The following TRMT11 variants were observed in gnomAD, a reference collection of about 807,000 sequenced individuals.
TRMT11 encodes the protein tRNA (guanine(10)-N(2))-methyltransferase TRMT11.
A neutral mutation model predicts 62.8 loss-of-function variants in TRMT11; 53 were observed. That is an observed-to-expected ratio of 0.84 (90% CI 0.68 to 1.06). TRMT11 has a LOEUF of 1.06. Among genes scored for constraint, TRMT11 ranks in the 50% least tolerant of loss-of-function variants. The pLI, the probability that TRMT11 is intolerant of heterozygous loss-of-function variation, is 0.00. For missense variants in TRMT11, 556 were observed against 553.4 expected (o/e 1.00, Z -0.05); for synonymous variants, 188 against 190.3 (o/e 0.99, Z 0.10).
intron 3 of TRMT11, among the ~76,000 whole-genome samples, chr6:126,200,590 G>A (rs1778723370): frequency 6.6e-6 from 1 of 152,114 alleles, no homozygotes; most frequent in South Asian, 2.1e-4. Flanking sequence ...GTCTTGCTCT[G>A]TCGCCCAGGC....
chr6:126,021,097 CCCCATGATT>C, intron 11 of TRMT11, 54 bp from the exon 12 acceptor site: 1 of 1,597,318 alleles, frequency 6.3e-7, no homozygotes, highest in South Asian at 1.1e-5. Flanking sequence ...ACTGGACGAT[CCCCATGATT>C]CTTTGTGGCC....
At chr6:126,169,521 T>C (rs2128234959) in intron 21 of TRMT11, among the ~76,000 whole-genome samples, 1 of 152,334 alleles carries the variant, frequency 6.6e-6, no homozygotes, top group East Asian at 1.9e-4. Flanking sequence ...CTGAAGATGA[T>C]TCCTCTTGGT....
At chr6:126,113,611 A>G (rs888647359) in intron 18 of TRMT11, among the ~76,000 whole-genome samples, 3 of 152,122 alleles carry the variant, frequency 2.0e-5, no homozygotes, top group African/African-American at 7.2e-5. Context: ...CAGCCAATCT[A>G]CTAGGCACGT....
chr6:126,213,890 A>G, the TRMT11 span, among the ~76,000 whole-genome samples: 4 of 152,016 alleles, frequency 2.6e-5, no homozygotes, highest in African/African-American at 4.8e-5. Flanking sequence ...AGTCTGTCAT[A>G]TATGGCTTTT....
chr6:126,013,077 A>G lies in TRMT11; in HGVS notation c.1115A>G (p.Tyr372Cys), dbSNP rs375870918. Residue 372 changes from tyrosine to cysteine, a missense_variant, in exon 11 of 13, where the codon TAT (tyrosine) becomes TGT (cysteine). Coordinates refer to ENST00000334379, the MANE Select transcript of TRMT11 (RefSeq NM_001031712.3). Reference protein sequence around the residue: ...ETLVLGGRLVYWLPVYTPEYT... With the variant: ...ETLVLGGRLVCWLPVYTPEYT... ...CTCGTTTTAGGTGGAAGACTAGTCT[A>G]TTGGTTACCGGTGTATACGCCAGAG... The G allele has an allele frequency of 1.2e-4, 187 of 1,613,540 alleles. No homozygotes were observed. Among genetic ancestry groups the G allele is most frequent in the Non-Finnish European group, 1.5e-4 (176 of 1,179,872 alleles).
Position 126,008,412 on chromosome 6 carries a change from G to A in TRMT11, c.700G>A (p.Ala234Thr). 1 of 1,613,126 alleles carries A rather than the reference G, an allele frequency of 6.2e-7. No individual in the cohort carries two copies. Among genetic ancestry groups the A allele is most frequent in the Non-Finnish European group, 8.5e-7 (1 of 1,179,228 alleles). The change falls in exon 8 of 13, where the codon GCT becomes ACT. Residue 234 changes from alanine to threonine, a missense_variant. Ala to Thr is a moderately conservative substitution (Grantham distance 58, BLOSUM62 0). Coordinates refer to ENST00000334379, the MANE Select transcript of TRMT11 (RefSeq NM_001031712.3). ...VGTGGLLIAC[A>T]HFGAYVYGTD... ...TTCAGGTGGCCTGCTGATAGCATGT[G>A]CTCATTTTGGTGCATATGTGTATGG...
chr6:126,109,893 G>A (rs1777510861), intron 17 of TRMT11, among the ~76,000 whole-genome samples: 1 of 152,152 alleles, frequency 6.6e-6, no homozygotes, highest in African/African-American at 2.4e-5. Context: ...GAACAAACCA[G>A]AAAATGGCAG....
In TRMT11 at chr6:126,151,847, T is replaced by C. The variant is rs541357570; in HGVS notation, c.*1824-22978T>C. Among the ~76,000 whole-genome samples, 249 of 144,672 alleles carry C rather than the reference T, an allele frequency of 1.7e-3. 1 individual carries two copies. Among genetic ancestry groups the C allele is most frequent in the South Asian group, 4.9e-3 (22 of 4,470 alleles). 94.9% of individuals were successfully genotyped at this position (144,672 alleles called of 152,430 possible). ...CTTTCTTTCTTTCTTTCTTTCTTTC[T>C]TTCTTTCTTTCTTTCTTTCCTTCTT... On this transcript the variant is annotated intron_variant and NMD_transcript_variant, in intron 21 of 22. Transcript: ENST00000648977.
Position 126,124,079 on chromosome 6 carries a change from A to AT in TRMT11, c.*1823+8230dup, listed in dbSNP as rs773461302. ...TTTGTCTTTTGATTGTGGCTCATGC[A>AT]TTTTTTGTTAGGGGATTTCCTCAAA... On this transcript the variant is annotated intron_variant and NMD_transcript_variant, in intron 21 of 22. Transcript: ENST00000648977. Among the ~76,000 whole-genome samples the AT allele has an allele frequency of 1.8e-4, 27 of 151,658 alleles. 1 individual carries two copies. The highest frequency in any genetic ancestry group is 9.9e-4 in the Admixed American group (15 of 15,208).
intron 21 of TRMT11, among the ~76,000 whole-genome samples, chr6:126,118,784 A>G (rs1777616939): frequency 6.6e-6 from 1 of 152,110 alleles, no homozygotes; most frequent in Non-Finnish European, 1.5e-5. Flanking sequence ...GAACTTACCA[A>G]GTGAAAAATT....
chr6:126,215,594 T>C, the TRMT11 span, among the ~76,000 whole-genome samples: 13 of 152,060 alleles, frequency 8.5e-5, no homozygotes, highest in Admixed American at 8.5e-4. Context: ...AAGTGATGTG[T>C]TTTCTTGTAG....
chr6:126,027,284 A>G (rs554282122), intron 12 of TRMT11, among the ~76,000 whole-genome samples: 11 of 152,310 alleles, frequency 7.2e-5, no homozygotes, highest in African/African-American at 2.4e-4. Flanking sequence ...TTACGTTTTC[A>G]ATGACGGTCA....
At chr6:126,206,120 G>T (rs1341631440), downstream of TRMT11, among the ~76,000 whole-genome samples, 1 of 152,162 alleles carries the variant, frequency 6.6e-6, no homozygotes, top group African/African-American at 2.4e-5. Context: ...TTCAAAATCT[G>T]CAGTCTAACT....
At chr6:126,136,019 CA>C (rs972522934) in intron 21 of TRMT11, among the ~76,000 whole-genome samples, 1 of 151,748 alleles carries the variant, frequency 6.6e-6, no homozygotes, top group Non-Finnish European at 1.5e-5. Flanking sequence ...TACAAGCTCA[CA>C]GTTAAAATCA....
At chr6:126,249,883 G>A in the TRMT11 span, among the ~76,000 whole-genome samples, 15 of 152,130 alleles carry the variant, frequency 9.9e-5, no homozygotes, top group Admixed American at 4.6e-4. Flanking sequence ...TGAGAGCAAA[G>A]GACAGTTTAT....
chr6:126,024,799 GTA>G lies in TRMT11; in HGVS notation c.1260+3523_1260+3524del, dbSNP rs780965713. Among the ~76,000 whole-genome samples, 4 of 152,170 alleles carry G rather than the reference GTA, an allele frequency of 2.6e-5. No homozygotes were observed. In the South Asian group the frequency reaches 6.2e-4, roughly 24 times the overall value. On this transcript the variant is annotated intron_variant, in intron 12 of 12. Transcript: ENST00000334379. Reference sequence around the variant, plus strand: ...CCTCTCCTAGTCACTTACTTCTCATGTATATGTTTGTCTTTTGGTATTTTAAA... The same window carrying G: ...CCTCTCCTAGTCACTTACTTCTCATGTATGTTTGTCTTTTGGTATTTTAAA...
downstream of TRMT11, among the ~76,000 whole-genome samples, chr6:126,205,513 A>G (rs1201098450): frequency 6.6e-6 from 1 of 152,218 alleles, no homozygotes; most frequent in Non-Finnish European, 1.5e-5. Flanking sequence ...CAAAAATAAA[A>G]AAGAGAAAAA....
intron 17 of TRMT11, among the ~76,000 whole-genome samples, chr6:126,109,245 G>T (rs1168616839): frequency 1.3e-5 from 2 of 152,116 alleles, no homozygotes; most frequent in Non-Finnish European, 2.9e-5. Flanking sequence ...CCAATGAAAA[G>T]GTTTTGGGAG....
chr6:126,179,754 T>A (rs759013627), intron 1 of TRMT11, among the ~76,000 whole-genome samples: 9 of 152,198 alleles, frequency 5.9e-5, no homozygotes, highest in African/African-American at 2.2e-4. Flanking sequence ...TATATACTTT[T>A]CAAAGATATT....
Sources: gnomAD v4.1 joint callset for allele counts (sites outside exome capture counted in the v4.1 genomes callset) on GRCh38, gnomAD v4.1.1 for gene constraint, MANE v1.5 for transcripts, NCBI Gene and HGNC (gene_info 2026-07-23, HGNC 2026-07-21) for gene names.